PDGFA: variants seen among roughly 807,000 people sequenced by gnomAD.
PDGFA encodes platelet derived growth factor subunit A.
A neutral mutation model predicts 25.6 loss-of-function variants in PDGFA; 9 were observed. The observed-to-expected ratio is 0.35, with a 90% CI of 0.21 to 0.61. The LOEUF (loss-of-function observed/expected upper bound fraction) is 0.61, where lower values mean the gene tolerates loss of function less well. Among genes scored for constraint, PDGFA ranks in the 20% least tolerant of loss-of-function variants. The pLI, the probability that PDGFA is intolerant of heterozygous loss-of-function variation, is 0.75. For missense variants in PDGFA, 242 were observed against 272.8 expected, an observed-to-expected ratio of 0.89 and a Z score of 0.79; for synonymous variants, 133 against 111.8, an observed-to-expected ratio of 1.19 and a Z score of -1.20.
chr7:509,116 G>C (rs28420971), intron 4 of PDGFA, among the ~76,000 whole-genome samples: 4 of 152,076 alleles, frequency 2.6e-5, no homozygotes, highest in Non-Finnish European at 4.4e-5. Flanking sequence ...CCTCAGCAAC[G>C]CAAGAAGACC....
Position 500,955 on chromosome 7 carries a change from C to T in PDGFA, c.580+161G>A, listed in dbSNP as rs775325274. The T allele has an allele frequency of 6.3e-7, 1 of 1,595,668 alleles. No homozygotes were observed. Among genetic ancestry groups the T allele is most frequent in the Non-Finnish European group, 8.5e-7 (1 of 1,178,004 alleles). ...CCTGCAGGTGTGGGATCCGTCTCCC[C>T]CGCAGGCATCTGGCCCGGGAGCAGG... On this transcript the variant is annotated intron_variant, in intron 5 of 5. Transcript: ENST00000402802. This position sits in a 1 kb window ranked among gnomAD's most constrained non-coding sequence, Gnocchi z 5.0.
chr7:503,544 T>C (rs1782442183), intron 4 of PDGFA, among the ~76,000 whole-genome samples: 2 of 152,012 alleles, frequency 1.3e-5, no homozygotes, highest in Non-Finnish European at 2.9e-5. Context: ...GAGGGGAATG[T>C]TTCCCAACCT....
chr7:513,846 C>T (rs1033683716), intron 2 of PDGFA, among the ~76,000 whole-genome samples: 1 of 152,214 alleles, frequency 6.6e-6, no homozygotes, highest in Non-Finnish European at 1.5e-5. Flanking sequence ...GAAGCTCGCC[C>T]GGAGCCCAAC....
exon 6 of PDGFA, chr7:498,473 G>A (rs1460518015): frequency 2.2e-5 from 27 of 1,246,644 alleles, no homozygotes; most frequent in Non-Finnish European, 3.0e-5. Flanking sequence ...AACAAAGACC[G>A]CACACTGGCA....
chr7:498,471 C>T lies in PDGFA; in HGVS notation c.*93G>A, dbSNP rs150394586. The T allele has an allele frequency of 3.2e-3, 3,987 of 1,231,366 alleles. 16 individuals carry two copies. Among genetic ancestry groups the T allele is most frequent in the Admixed American group, 4.4e-3 (224 of 51,098 alleles). 76.3% of individuals were successfully genotyped at this position (1,231,366 alleles called of 1,614,324 possible). On this transcript the variant is annotated 3_prime_UTR_variant, in exon 6 of 6. Transcript: ENST00000402802. ...AGTTTTTCACGGAGGAGAACAAAGA[C>T]CGCACACTGGCAATAAAGCACCGTA...
exon 6 of PDGFA, chr7:497,948 A>AC (rs1782138984): frequency 3.5e-5 from 4 of 113,082 alleles, no homozygotes; most frequent in Admixed American, 9.4e-5. Flanking sequence ...GTAAAAAAAA[A>AC]AAAAAAAAAA....
intron 4 of PDGFA, 87 bp downstream of exon 4, chr7:510,722 G>GGGAGA (rs1782775087): frequency 5.0e-6 from 2 of 401,072 alleles, no homozygotes; most frequent in Admixed American, 4.6e-5. Context: ...GGGAGGGGAG[G>GGGAGA]GGAGAGGAGG....
chr7:497,958 A>G (rs13236987), exon 6 of PDGFA: 1 of 97,760 alleles, frequency 1.0e-5, no homozygotes, highest in Non-Finnish European at 2.1e-5. Context: ...AAAAAAAAAA[A>G]CAAAAAAAAA....
chr7:508,559 C>CAAAAAAAAAAAAAAAA (rs766165770), intron 4 of PDGFA, among the ~76,000 whole-genome samples: 4 of 35,668 alleles, frequency 1.1e-4, no homozygotes, highest in African/African-American at 4.4e-4. Flanking sequence ...GAAGCTGTCC[C>CAAAAAAAAAAAAAAAA]AAAAAAAAAA....
intron 4 of PDGFA, among the ~76,000 whole-genome samples, chr7:505,144 C>G (rs1049628431): frequency 1.3e-5 from 2 of 152,212 alleles, no homozygotes; most frequent in Non-Finnish European, 2.9e-5. Context: ...TGGATTCTCA[C>G]AAAAACCTCC....
chr7:514,532 G>C (rs1783000816), intron 2 of PDGFA, among the ~76,000 whole-genome samples: 2 of 152,148 alleles, frequency 1.3e-5, no homozygotes, highest in African/African-American at 4.8e-5. Flanking sequence ...CAGGTGGCCT[G>C]GCCGGCAAGA....
At chr7:497,544 G>C (rs186221017) in exon 6 of PDGFA, 1 of 152,180 alleles carries the variant, frequency 6.6e-6, no homozygotes, top group Non-Finnish European at 1.5e-5. Flanking sequence ...CTCACGTGCC[G>C]CGTGGGAACA....
At chr7:501,039 G>A (rs1403097689) in intron 5 of PDGFA, 77 bp downstream of exon 5, 1 of 1,612,548 alleles carries the variant, frequency 6.2e-7, no homozygotes, top group Non-Finnish European at 8.5e-7. Flanking sequence ...GCGCTCAAGG[G>A]GGCCACCTAA....
chr7:497,911 AGG>A (rs1562481397), exon 6 of PDGFA: 2 of 130,138 alleles, frequency 1.5e-5, no homozygotes, highest in Non-Finnish European at 3.3e-5. Context: ...AAGAGTAAAA[AGG>A]AAAGCTTAAT....
Position 500,425 on chromosome 7 carries a change from T to C in PDGFA, c.580+691A>G, listed in dbSNP as rs775882007. 5.0e-5 allele frequency: 80 copies of C among 1,613,882 alleles called. No individual in the cohort carries two copies. The South Asian group carries it at 8.0e-4, about 16-fold the overall frequency. ...AGGACTCAGTGTGTCCGGCAGACAGTCCTACCTGGTTGGCTGCTTTAGGTG... is the reference window on the plus strand; with the variant it reads ...AGGACTCAGTGTGTCCGGCAGACAGCCCTACCTGGTTGGCTGCTTTAGGTG... On this transcript the variant is annotated intron_variant, in intron 5 of 5. Coordinates refer to ENST00000402802, the Ensembl canonical transcript of PDGFA. This position sits in a 1 kb window ranked among gnomAD's most constrained non-coding sequence, Gnocchi z 5.0.
upstream of PDGFA, chr7:520,569 G>C (rs1173281501): frequency 6.6e-6 from 1 of 152,350 alleles, no homozygotes; most frequent in Non-Finnish European, 1.5e-5. Flanking sequence ...CCGCGCCGAA[G>C]GCAGGGCCGC....
intron 4 of PDGFA, among the ~76,000 whole-genome samples, chr7:509,928 G>A (rs190945838): frequency 6.6e-6 from 1 of 152,100 alleles, no homozygotes; most frequent in Non-Finnish European, 1.5e-5. Context: ...GTCTGGCCTC[G>A]AGCCCACCCC....
chr7:498,619 T>C (rs1782198316), intron 5 of PDGFA, 45 bp from the exon 6 acceptor site: 1 of 1,600,642 alleles, frequency 6.2e-7, no homozygotes, highest in Non-Finnish European at 8.5e-7. Flanking sequence ...ACCGACCAAG[T>C]GAACCACCCA....
chr7:508,279 C>T (rs1350756631), intron 4 of PDGFA, among the ~76,000 whole-genome samples: 1 of 152,050 alleles, frequency 6.6e-6, no homozygotes, highest in Non-Finnish European at 1.5e-5. Flanking sequence ...CTTAAATCCT[C>T]AAACATCATT....
Sources: allele counts gnomAD v4.1 joint callset (sites outside exome capture counted in the v4.1 genomes callset), GRCh38; gene constraint gnomAD v4.1.1; non-coding constraint Gnocchi (gnomAD v3.1); transcripts MANE v1.5; gene names NCBI Gene and HGNC (gene_info 2026-07-23, HGNC 2026-07-21).